Variants in PTPRD observed in about 807,000 individuals in gnomAD.
The protein encoded by PTPRD is receptor-type tyrosine-protein phosphatase delta.
PTPRD carries 34 observed loss-of-function variants against 214.5 expected under a neutral mutation model. That is an observed-to-expected ratio of 0.16 (90% CI 0.12 to 0.21). PTPRD has a LOEUF of 0.21. PTPRD is among the 10% of genes least tolerant of loss of function. The probability of loss-of-function intolerance (pLI) is 1.00; values close to 1 mark genes in which losing one functional copy is unlikely to be tolerated. For missense variants in PTPRD, 2,545 were observed against 2,398.7 expected, an observed-to-expected ratio of 1.06 and a Z score of -1.27; for synonymous variants, 1,128 against 845.7, an observed-to-expected ratio of 1.33 and a Z score of -5.79.
chr9:9,421,988 G>GA (rs535711344), intron 8 of PTPRD, among the ~76,000 whole-genome samples: 1,439 of 143,820 alleles, frequency 0.01, 7 homozygotes, highest in Non-Finnish European at 0.015. Flanking sequence ...CACCAGTATT[G>GA]AAAAAAAAAA....
intron 7 of PTPRD, among the ~76,000 whole-genome samples, chr9:9,709,971 G>A (rs927258054): frequency 1.3e-5 from 2 of 151,872 alleles, no homozygotes; most frequent in Non-Finnish European, 2.9e-5. Flanking sequence ...CTTCTAGTCT[G>A]AAGGCGCTAT....
chr9:9,771,947 T>C (rs1190554492), intron 5 of PTPRD, among the ~76,000 whole-genome samples: 2 of 152,158 alleles, frequency 1.3e-5, no homozygotes, highest in South Asian at 2.1e-4. Context: ...ATAAGCATCA[T>C]TGTTTATTTG....
intron 11 of PTPRD, among the ~76,000 whole-genome samples, chr9:8,785,977 T>C (rs1345245843): frequency 6.6e-6 from 1 of 152,082 alleles, no homozygotes; most frequent in Non-Finnish European, 1.5e-5. Flanking sequence ...TCACTTCCAA[T>C]TGCTACAGAT....
chr9:8,731,773 A>G (rs553146296), intron 12 of PTPRD, among the ~76,000 whole-genome samples: 1 of 152,340 alleles, frequency 6.6e-6, no homozygotes, highest in African/African-American at 2.4e-5. Flanking sequence ...TCTTTCGTCA[A>G]TAACTTTCAG....
intron 12 of PTPRD, among the ~76,000 whole-genome samples, chr9:8,669,235 G>A (rs909707050): frequency 6.6e-6 from 1 of 152,068 alleles, no homozygotes; most frequent in African/African-American, 2.4e-5. Flanking sequence ...TGAATTTCAA[G>A]GAGAGCTTCC....
intron 11 of PTPRD, among the ~76,000 whole-genome samples, chr9:8,886,537 G>A (rs1272699592): frequency 1.3e-5 from 2 of 152,124 alleles, no homozygotes; most frequent in African/African-American, 4.8e-5. Context: ...AATGCAGTTA[G>A]GAAGAATGGG....
chr9:8,981,884 A>G lies in PTPRD; in HGVS notation c.-104+36813T>C, dbSNP rs539199238. Reference sequence around the variant, plus strand: ...AAATAGAATGGCAAAATAATGTTAAAAATCATTTGTCTTTTTGTTGTTTGG... The same window carrying G: ...AAATAGAATGGCAAAATAATGTTAAGAATCATTTGTCTTTTTGTTGTTTGG... On this transcript the variant is annotated intron_variant, in intron 11 of 45. Transcript: ENST00000381196. 2.3e-4 allele frequency among the ~76,000 whole-genome samples: 35 copies of G among 152,236 alleles called. No individual in the cohort carries two copies. In the South Asian group the frequency reaches 6.6e-3, roughly 29 times the overall value.
intron 3 of PTPRD, among the ~76,000 whole-genome samples, chr9:10,085,919 C>G (rs564398713): frequency 2.0e-5 from 3 of 151,878 alleles, no homozygotes; most frequent in African/African-American, 7.2e-5. Flanking sequence ...AGTCTCTGAT[C>G]CATGAAATCT....
intron 39 of PTPRD, among the ~76,000 whole-genome samples, chr9:8,352,125 C>A (rs2075677743): frequency 6.6e-6 from 1 of 150,940 alleles, no homozygotes; most frequent in Non-Finnish European, 1.5e-5. Context: ...TAAAATCTTC[C>A]AAAGACTTCT....
intron 9 of PTPRD, among the ~76,000 whole-genome samples, chr9:9,229,543 CA>C (rs1223505360): frequency 6.6e-6 from 1 of 152,030 alleles, no homozygotes; most frequent in African/African-American, 2.4e-5. Context: ...CTAGACTGTA[CA>C]AAAATGTTGA....
chr9:9,473,102 A>G (rs1030956963), intron 8 of PTPRD, among the ~76,000 whole-genome samples: 13 of 151,982 alleles, frequency 8.6e-5, no homozygotes, highest in African/African-American at 2.9e-4. Context: ...CTGTTAACCA[A>G]TGTATCCTTA....
At chr9:9,401,587 T>C (rs1271820609) in intron 8 of PTPRD, among the ~76,000 whole-genome samples, 9 of 126,532 alleles carry the variant, frequency 7.1e-5, no homozygotes. Context: ...AAACAAGAAG[T>C]CCAAATGTTA....
intron 5 of PTPRD, among the ~76,000 whole-genome samples, chr9:9,809,987 A>G (rs75741128): frequency 0.012 from 1,839 of 152,152 alleles, 25 homozygotes; most frequent in African/African-American, 0.041. Context: ...GTTCACATAT[A>G]TGTGGATTTT....
intron 8 of PTPRD, among the ~76,000 whole-genome samples, chr9:9,409,345 T>G (rs1051963890): frequency 3.9e-5 from 6 of 152,044 alleles, no homozygotes; most frequent in Non-Finnish European, 5.9e-5. Flanking sequence ...TTTATGCATA[T>G]GAATATTTTA....
chr9:9,056,088 A>G (rs539831253), intron 10 of PTPRD, among the ~76,000 whole-genome samples: 2 of 152,272 alleles, frequency 1.3e-5, no homozygotes, highest in East Asian at 3.9e-4. Flanking sequence ...CCAAGTGAAC[A>G]TTATTGTTGT....
In PTPRD at chr9:8,708,311, G is replaced by A. The variant is rs113961451; in HGVS notation, c.64+25469C>T. Among the ~76,000 whole-genome samples the A allele has an allele frequency of 2.0e-3, 298 of 152,138 alleles. 9 individuals carry two copies. The highest frequency in any genetic ancestry group is 6.8e-3 in the African/African-American group (284 of 41,500). ...TGTGGAGAAAAGGGAACCCATACAC[G>A]CTACTGGTGGAAATGTAAATTAGTA... is the stretch of plus-strand genomic sequence containing the variant. On this transcript the variant is annotated intron_variant, in intron 12 of 45. Coordinates refer to ENST00000381196, the MANE Select transcript of PTPRD (RefSeq NM_002839.4).
intron 5 of PTPRD, among the ~76,000 whole-genome samples, chr9:9,790,129 T>G (rs1241942177): frequency 6.6e-6 from 1 of 152,210 alleles, no homozygotes; most frequent in Non-Finnish European, 1.5e-5. Flanking sequence ...GAATCTAGAC[T>G]GTACTATTCG....
intron 9 of PTPRD, among the ~76,000 whole-genome samples, chr9:9,183,828 C>A (rs1437831033): frequency 6.6e-6 from 1 of 151,988 alleles, no homozygotes; most frequent in East Asian, 1.9e-4. Flanking sequence ...TAAAGCAAAT[C>A]CTTGTCTATC....
chr9:9,965,747 A>G (rs1372428542), intron 4 of PTPRD, among the ~76,000 whole-genome samples: 2 of 152,176 alleles, frequency 1.3e-5, no homozygotes, highest in Non-Finnish European at 2.9e-5. Context: ...CACTCTTCAG[A>G]TATCACAATT....
Sources: gnomAD v4.1 joint callset for allele counts (sites outside exome capture counted in the v4.1 genomes callset) on GRCh38, gnomAD v4.1.1 for gene constraint, MANE v1.5 for transcripts, NCBI Gene and HGNC (gene_info 2026-07-23, HGNC 2026-07-21) for gene names.